The following PIBF1 variants were observed in gnomAD, a reference collection of about 807,000 sequenced individuals.
PIBF1 encodes progesterone immunomodulatory binding factor 1, also known as progesterone-induced-blocking factor 1.
Under a neutral mutation model 112.5 loss-of-function variants are expected in PIBF1, and 90 were observed. The observed-to-expected ratio is 0.80, with a 90% CI of 0.67 to 0.95. The LOEUF is 0.95. PIBF1 is among the 40% of genes least tolerant of loss of function. PIBF1 has a pLI of 0.00. For missense variants in PIBF1, 915 were observed against 852.3 expected (o/e 1.07, Z -0.92); for synonymous variants, 301 against 288.6 (o/e 1.04, Z -0.44).
At chr13:72,996,305 G>A (rs563039597) in intron 16 of PIBF1, among the ~76,000 whole-genome samples, 2 of 145,732 alleles carry the variant, frequency 1.4e-5, no homozygotes, top group East Asian at 2.0e-4. Context: ...CACTGTAAAA[G>A]GAATGCAAAA....
intron 16 of PIBF1, among the ~76,000 whole-genome samples, chr13:72,997,566 G>A (rs1485546477): frequency 1.3e-5 from 2 of 152,232 alleles, no homozygotes; most frequent in Non-Finnish European, 2.9e-5. Context: ...CAGCAACACT[G>A]CTTTAAAATA....
rs868282926 is a variant in PIBF1, at chr13:72,854,103, G to T, written c.1270G>T (p.Ala424Ser). ...RDNAVAEKER[A>S]VMAEKDALEK... Reference sequence around the variant, plus strand: ...TAATGCTGTGGCTGAAAAGGAACGAGCAGTGATGGCTGAAAAGGATGCTTT... The same window carrying T: ...TAATGCTGTGGCTGAAAAGGAACGATCAGTGATGGCTGAAAAGGATGCTTT... The change falls in exon 10 of 18, where the codon GCA becomes TCA. Residue 424 changes from alanine to serine, a missense_variant. By Grantham distance (99) the Ala-to-Ser change is moderately conservative. Coordinates refer to ENST00000326291, the MANE Select transcript of PIBF1 (RefSeq NM_006346.4). 3.7e-6 allele frequency: 6 copies of T among 1,613,518 alleles called. No homozygotes were observed. The Middle Eastern group carries it at 8.2e-4, about 222-fold the overall frequency.
intron 16 of PIBF1, among the ~76,000 whole-genome samples, chr13:72,991,751 C>T (rs1048180266): frequency 6.6e-6 from 1 of 151,178 alleles, no homozygotes; most frequent in African/African-American, 2.4e-5. Context: ...TGGAGTCTCG[C>T]TCTGTCGCCC....
intron 14 of PIBF1, among the ~76,000 whole-genome samples, chr13:72,957,509 A>G (rs1441603210): frequency 6.6e-6 from 1 of 152,124 alleles, no homozygotes; most frequent in Admixed American, 6.5e-5. Flanking sequence ...TTGGGGACTC[A>G]TGGGGAAGGG....
chr13:72,918,195 G>A (rs138246019), intron 13 of PIBF1, among the ~76,000 whole-genome samples: 17 of 152,124 alleles, frequency 1.1e-4, no homozygotes, highest in African/African-American at 4.1e-4. Context: ...CCTCTATAAT[G>A]TAGCTCTATC....
At chr13:72,792,858 C>G (rs1316770079) in intron 3 of PIBF1, among the ~76,000 whole-genome samples, 1 of 152,082 alleles carries the variant, frequency 6.6e-6, no homozygotes, top group Non-Finnish European at 1.5e-5. Context: ...TTCTCATGAC[C>G]CATTGGACTT....
intron 13 of PIBF1, among the ~76,000 whole-genome samples, chr13:72,926,756 G>T (rs2041497421): frequency 6.6e-6 from 1 of 152,140 alleles, no homozygotes; most frequent in African/African-American, 2.4e-5. Flanking sequence ...TACCTAAAAT[G>T]CTGTTTCTCT....
At chr13:72,807,178 C>CAA (rs35154761) in intron 5 of PIBF1, among the ~76,000 whole-genome samples, 75 of 138,548 alleles carry the variant, frequency 5.4e-4, no homozygotes, top group East Asian at 1.2e-3. Context: ...GGATAAGAGC[C>CAA]AAAAAAAAAA....
At chr13:72,876,134 CTTTTTTTT>C (rs386363749) in intron 10 of PIBF1, among the ~76,000 whole-genome samples, 2 of 91,214 alleles carry the variant, frequency 2.2e-5, no homozygotes, top group Non-Finnish European at 4.0e-5. Flanking sequence ...TGTTCAGATT[CTTTTTTTT>C]TTTTTTTTTT....
rs780562461 is a variant in PIBF1 at position 72,931,171 on chromosome 13, C to G, written c.1737C>G (p.His579Gln). ...TAKRRLKQSV[H>Q]LARRVLQLEK... ...TCTTATTTCATTTGCCTAGTGTTCA[C>G]TTGGCAAGAAGAGTGCTTCAATTAG... The change falls in exon 14 of 18, where the codon CAC (histidine) becomes CAG (glutamine). Residue 579 changes from histidine to glutamine, a missense_variant. Physicochemically the swap from His to Gln is conservative, Grantham distance 24. Coordinates refer to ENST00000326291, the MANE Select transcript of PIBF1 (RefSeq NM_006346.4). The G allele has an allele frequency of 1.2e-6, 2 of 1,604,596 alleles. No individual in the cohort carries two copies. Among genetic ancestry groups the G allele is most frequent in the Non-Finnish European group, 1.7e-6 (2 of 1,173,662 alleles).
At chr13:72,976,200 C>CTA (rs1409053690) in intron 16 of PIBF1, among the ~76,000 whole-genome samples, 1 of 152,066 alleles carries the variant, frequency 6.6e-6, no homozygotes, top group Non-Finnish European at 1.5e-5. Flanking sequence ...GAGTTTGAGA[C>CTA]TATAGTGCAC....
At chr13:72,839,029 G>T (rs1048358239) in intron 9 of PIBF1, among the ~76,000 whole-genome samples, 2 of 152,182 alleles carry the variant, frequency 1.3e-5, no homozygotes, top group Non-Finnish European at 2.9e-5. Flanking sequence ...CATTATGTAA[G>T]ACCTGTGGGG....
rs1189218065 is a variant in PIBF1, at chr13:72,821,851, A to G, written c.675A>G (p.Thr225=). The stretch of plus-strand genomic sequence containing the variant: ...GTTATTATTCCTTTGGTTTATAGAC[A>G]TATGAGGAAGATCGAAAAAACTACT... ...NKNQLKQLTE[T]YEEDRKNYSE... The change falls in exon 6 of 18, where the codon ACA becomes ACG. Residue 225 remains threonine (T), a splice_region_variant and synonymous_variant. Coordinates refer to ENST00000326291, the MANE Select transcript of PIBF1 (RefSeq NM_006346.4). 2 of 1,610,280 alleles carry G rather than the reference A, an allele frequency of 1.2e-6. No homozygotes were observed. The highest frequency in any genetic ancestry group is 1.7e-6 in the Non-Finnish European group (2 of 1,177,880).
At chr13:72,955,591 A>G (rs537860722) in intron 14 of PIBF1, among the ~76,000 whole-genome samples, 11 of 152,076 alleles carry the variant, frequency 7.2e-5, no homozygotes, top group Non-Finnish European at 2.9e-5. Flanking sequence ...TCACAATGCA[A>G]ATTCTTTATA....
intron 5 of PIBF1, among the ~76,000 whole-genome samples, chr13:72,810,910 G>A (rs959906624): frequency 2.7e-5 from 4 of 150,402 alleles, no homozygotes; most frequent in East Asian, 2.0e-4. Context: ...AGGCTGGAGT[G>A]CCTTGGCACA....
chr13:72,916,737 T>C (rs1594190713), intron 12 of PIBF1, among the ~76,000 whole-genome samples: 1 of 152,154 alleles, frequency 6.6e-6, no homozygotes, highest in East Asian at 1.9e-4. Flanking sequence ...GACTTTGATA[T>C]GTTATCATTA....
chr13:72,863,641 G>C (rs374225497), intron 10 of PIBF1, among the ~76,000 whole-genome samples: 10 of 142,350 alleles, frequency 7.0e-5, no homozygotes, highest in African/African-American at 2.6e-4. Context: ...CTGGGCGACA[G>C]AGTGAGACTC....
rs150222268 is a variant in PIBF1, at chr13:73,016,000, C to A, written c.*81C>A. 3.9e-5 allele frequency: 26 copies of A among 674,518 alleles called. No homozygotes were observed. In the East Asian group the frequency reaches 6.5e-4, roughly 17 times the overall value. 41.8% of individuals were successfully genotyped at this position (674,518 alleles called of 1,614,324 possible). A position where few individuals can be genotyped will look rare whatever the true frequency, so the allele number is the denominator to read the frequency against. On this transcript the variant is annotated 3_prime_UTR_variant, in exon 18 of 18. Coordinates refer to ENST00000326291, the MANE Select transcript of PIBF1 (RefSeq NM_006346.4). ...GATGGAAAACAAAATTCAGCTTAAT[C>A]GTGTACTCAGCATTTTTTAAATAAC... is the stretch of plus-strand genomic sequence containing the variant.
At chr13:72,960,410 A>T (rs1283942617) in intron 14 of PIBF1, among the ~76,000 whole-genome samples, 4 of 152,202 alleles carry the variant, frequency 2.6e-5, no homozygotes, top group African/African-American at 9.6e-5. Flanking sequence ...GTCTCAAAAA[A>T]ATATATGTAT....
Sources: allele counts gnomAD v4.1 joint callset (sites outside exome capture counted in the v4.1 genomes callset), GRCh38; gene constraint gnomAD v4.1.1; transcripts MANE v1.5; gene names NCBI Gene and HGNC (gene_info 2026-07-23, HGNC 2026-07-21).